TMTC1: variants seen among roughly 807,000 people sequenced by gnomAD.
The protein encoded by TMTC1 is transmembrane O-mannosyltransferase targeting cadherins 1.
A neutral mutation model predicts 104.8 loss-of-function variants in TMTC1; 73 were observed. The observed-to-expected ratio is 0.70, with a 90% CI of 0.58 to 0.85. The LOEUF (loss-of-function observed/expected upper bound fraction) is 0.85. TMTC1 is among the 40% of genes least tolerant of loss of function. The pLI, the probability that TMTC1 is intolerant of heterozygous loss-of-function variation, is 0.00. For missense variants in TMTC1, 1,035 were observed against 1,096.1 expected (o/e 0.94, Z 0.79); for synonymous variants, 434 against 428.7 (o/e 1.01, Z -0.15).
intron 5 of TMTC1, among the ~76,000 whole-genome samples, chr12:29,730,483 C>T (rs1218094534): frequency 6.6e-6 from 1 of 152,114 alleles, no homozygotes; most frequent in African/African-American, 2.4e-5. Context: ...ATACCCATGC[C>T]TAGAGACCAG....
chr12:29,652,576 C>G (rs1452571921), intron 5 of TMTC1, among the ~76,000 whole-genome samples: 1 of 152,230 alleles, frequency 6.6e-6, no homozygotes, highest in African/African-American at 2.4e-5. Context: ...AGGCCTATGA[C>G]AGCAGAGTCA....
At chr12:29,655,200 T>C (rs761358776) in intron 5 of TMTC1, among the ~76,000 whole-genome samples, 1 of 152,112 alleles carries the variant, frequency 6.6e-6, no homozygotes, top group Non-Finnish European at 1.5e-5. Flanking sequence ...CATTTCTATA[T>C]ACATGTTCAG....
At chr12:29,588,605 T>A (rs1946202047) in intron 7 of TMTC1, among the ~76,000 whole-genome samples, 1 of 152,186 alleles carries the variant, frequency 6.6e-6, no homozygotes, top group Admixed American at 6.5e-5. Flanking sequence ...CTTATCCTTG[T>A]GGAATTCACA....
In TMTC1 at chr12:29,518,555, G is replaced by A. The variant is rs572517066; in HGVS notation, c.1941C>T (p.Pro647=). The A allele has an allele frequency of 2.5e-6, 4 of 1,614,136 alleles. No homozygotes were observed. Among genetic ancestry groups the A allele is most frequent in the East Asian group, 2.2e-5 (1 of 44,886 alleles). ...AHYQQAIKLS[P]SHHVAMVNLG... is the part of the protein sequence containing the mutation. ...AGTTCACCATGGCCACGTGATGACT[G>A]GGGCTAAGTTTGATGGCCTGCTGGT... Residue 647 remains proline (P), a synonymous_variant, in exon 13 of 18, where the codon CCC becomes CCT. Transcript: ENST00000539277.
chr12:29,660,808 C>A (rs909745062), intron 5 of TMTC1: 3 of 1,408,430 alleles, frequency 2.1e-6, no homozygotes, highest in Admixed American at 2.2e-5. Flanking sequence ...ACTTACATAA[C>A]TTAGGACCAA....
chr12:29,587,652 A>C (rs1190931277), intron 7 of TMTC1, among the ~76,000 whole-genome samples: 1 of 152,200 alleles, frequency 6.6e-6, no homozygotes, highest in Non-Finnish European at 1.5e-5. Flanking sequence ...TTATTACAGA[A>C]TATCTTAAGA....
intron 9 of TMTC1, among the ~76,000 whole-genome samples, chr12:29,567,160 C>T (rs943723337): frequency 6.6e-6 from 1 of 152,244 alleles, no homozygotes; most frequent in African/African-American, 2.4e-5. Context: ...GCATTCTACT[C>T]AACATCTCCT....
intron 5 of TMTC1, among the ~76,000 whole-genome samples, chr12:29,667,616 G>A (rs1439846692): frequency 6.6e-6 from 1 of 152,086 alleles, no homozygotes; most frequent in East Asian, 1.9e-4. Context: ...ATGTTACTTG[G>A]CCTGCAAAAA....
chr12:29,521,354 TC>T (rs931901070), intron 11 of TMTC1, among the ~76,000 whole-genome samples: 5 of 152,112 alleles, frequency 3.3e-5, no homozygotes, highest in African/African-American at 1.2e-4. Context: ...GTCCATGCTT[TC>T]CACCTCTGAG....
intron 6 of TMTC1, among the ~76,000 whole-genome samples, chr12:29,608,340 G>A (rs953197851): frequency 4.6e-5 from 7 of 152,080 alleles, no homozygotes; most frequent in African/African-American, 1.7e-4. Context: ...CAAAATATGA[G>A]GAGAAAAAAG....
At position 29,543,963 on chromosome 12, in the gene TMTC1, G is replaced by A. The variant is rs964304891; in HGVS notation, c.1677-7646C>T. ...TAAAAGAATTTTAAAAAATATTTTC[G>A]CCAGGTGCAGTGGCTCATGCCTGTA... On this transcript the variant is annotated intron_variant, in intron 10 of 17. Coordinates refer to ENST00000539277, the MANE Select transcript of TMTC1 (RefSeq NM_001193451.2). Among the ~76,000 whole-genome samples the A allele has an allele frequency of 1.3e-4, 20 of 152,058 alleles. 1 individual carries two copies. Among genetic ancestry groups the A allele is most frequent in the South Asian group, 2.1e-4 (1 of 4,820 alleles).
chr12:29,515,790 G>A (rs1943968781), intron 15 of TMTC1, among the ~76,000 whole-genome samples: 1 of 140,334 alleles, frequency 7.1e-6, no homozygotes, highest in South Asian at 2.2e-4. Context: ...TATTTCTGAT[G>A]CCTACTACAG....
At chr12:29,660,791 T>A in intron 5 of TMTC1, 1 of 1,054,662 alleles carries the variant, frequency 9.5e-7, no homozygotes, top group Non-Finnish European at 1.3e-6. Context: ...TATATATATA[T>A]ATATATACTT....
chr12:29,526,240 A>G (rs2136175395), intron 11 of TMTC1, among the ~76,000 whole-genome samples: 1 of 152,334 alleles, frequency 6.6e-6, no homozygotes, highest in South Asian at 2.1e-4. Context: ...GATGGCATAC[A>G]GAACTTTTAA....
rs1946639756 is a variant in TMTC1, at chr12:29,604,275, C to T, written c.1153G>A (p.Val385Ile). 1 of 1,613,984 alleles carries T rather than the reference C, an allele frequency of 6.2e-7. No homozygotes were observed. Among genetic ancestry groups the T allele is most frequent in the Non-Finnish European group, 8.5e-7 (1 of 1,179,884 alleles). Residue 385 changes from valine to isoleucine, a missense_variant, in exon 7 of 18, where the codon GTC becomes ATC. Val to Ile is a conservative substitution (Grantham distance 29). Transcript: ENST00000539277. Reference protein sequence around the residue: ...FKRLEHKEVLVGLLFLVFPFI... With the variant: ...FKRLEHKEVLIGLLFLVFPFI... The stretch of plus-strand genomic sequence containing the variant: ...GGGAACACCAGGAACAACAAGCCGA[C>T]TAAAACCTCCTTGTGCTCCAGTCTC...
chr12:29,529,318 G>A (rs972570753), intron 11 of TMTC1, among the ~76,000 whole-genome samples: 1 of 152,062 alleles, frequency 6.6e-6, no homozygotes, highest in African/African-American at 2.4e-5. Context: ...GAGGTGTAGA[G>A]TGTGGTATTC....
intron 11 of TMTC1, among the ~76,000 whole-genome samples, chr12:29,523,817 G>C (rs1219940651): frequency 6.6e-6 from 1 of 151,966 alleles, no homozygotes; most frequent in Non-Finnish European, 1.5e-5. Context: ...ACCTGTTTAG[G>C]ATTTTTTTAA....
At chr12:29,572,040 G>C in intron 9 of TMTC1, 65 bp downstream of exon 9, 1 of 1,281,484 alleles carries the variant, frequency 7.8e-7, no homozygotes, top group Non-Finnish European at 1.1e-6. Context: ...TACTGGGAGG[G>C]CCAAGTGAAA....
chr12:29,616,669 C>CAAAAAAA (rs71045821), intron 6 of TMTC1, among the ~76,000 whole-genome samples: 3 of 79,816 alleles, frequency 3.8e-5, no homozygotes, highest in African/African-American at 9.7e-5. Flanking sequence ...AACTTGGTCT[C>CAAAAAAA]AAAAAAAAAA....
Sources: allele counts gnomAD v4.1 joint callset (sites outside exome capture counted in the v4.1 genomes callset), GRCh38; gene constraint gnomAD v4.1.1; transcripts MANE v1.5; gene names NCBI Gene and HGNC (gene_info 2026-07-23, HGNC 2026-07-21).